CD276: variants seen among roughly 807,000 people sequenced by gnomAD.
CD276 encodes CD276 antigen.
CD276 carries 34 observed loss-of-function variants against 50.0 expected under a neutral mutation model. The observed-to-expected ratio is 0.68, with a 90% confidence interval of 0.52 to 0.91. The LOEUF (loss-of-function observed/expected upper bound fraction) is 0.91. Ranked by LOEUF, CD276 falls within the 40% of genes least tolerant of loss-of-function variation. The pLI is 0.00. For synonymous variants in CD276, 275 were observed against 313.0 expected (o/e 0.88, Z 1.28); for missense variants, 634 against 717.5 (o/e 0.88, Z 1.33).
chr15:73,692,532 G>A (rs1900024226), intron 1 of CD276, among the ~76,000 whole-genome samples: 1 of 152,208 alleles, frequency 6.6e-6, no homozygotes, highest in Admixed American at 6.5e-5. Context: ...ATGTGTAAAA[G>A]CATTTAGAAC....
intron 8 of CD276, among the ~76,000 whole-genome samples, chr15:73,710,420 C>T (rs747318279): frequency 6.6e-6 from 1 of 152,182 alleles, no homozygotes; most frequent in Non-Finnish European, 1.5e-5. Flanking sequence ...GAGCATGGCA[C>T]AGTAAGCTGG....
chr15:73,702,928 C>T lies in CD276; in HGVS notation c.575C>T (p.Thr192Met), dbSNP rs759769960. 42 of 1,614,146 alleles carry T rather than the reference C, an allele frequency of 2.6e-5. No homozygotes were observed. The highest frequency in any genetic ancestry group is 5.3e-5 in the African/African-American group (4 of 75,062). ...GTGCCCCTGACTGGCAACGTGACCACGTCGCAGATGGCCAACGAGCAGGGC... is the reference window on the plus strand; with the variant it reads ...GTGCCCCTGACTGGCAACGTGACCATGTCGCAGATGGCCAACGAGCAGGGC... ...QGVPLTGNVT[T>M]SQMANEQGLF... Residue 192 changes from threonine (T) to methionine (M), a missense_variant, in exon 4 of 10, where the codon ACG becomes ATG. Transcript: ENST00000318443.
At position 73,702,909 on chromosome 15, in the gene CD276, C is replaced by T. The variant is rs1337650256; in HGVS notation, c.556C>T (p.Leu186=). 3 of 1,613,928 alleles carry T rather than the reference C, an allele frequency of 1.9e-6. No homozygotes were observed. The highest frequency in any genetic ancestry group is 2.5e-6 in the Non-Finnish European group (3 of 1,179,934). Residue 186 remains leucine, a synonymous_variant, in exon 4 of 10, where the codon CTG becomes TTG. Coordinates refer to ENST00000318443, the MANE Select transcript of CD276 (RefSeq NM_001024736.2). The stretch of plus-strand genomic sequence containing the variant: ...CTGGCAGGATGGGCAGGGTGTGCCC[C>T]TGACTGGCAACGTGACCACGTCGCA... ...VFWQDGQGVP[L]TGNVTTSQMA... is the part of the protein sequence containing the mutation.
chr15:73,710,832 T>C (rs1900868762), intron 8 of CD276, among the ~76,000 whole-genome samples: 1 of 152,132 alleles, frequency 6.6e-6, no homozygotes, highest in African/African-American at 2.4e-5. Context: ...ACCCTGTGTG[T>C]ACATTGGGCT....
At chr15:73,684,576 A>AG (rs58176469) in intron 1 of CD276, 116 bp downstream of exon 1, 152,277 of 152,280 alleles carry the variant, frequency 1, 76,137 homozygotes, top group Middle Eastern at 1. Context: ...GGAGCTGAGC[A>AG]GGGCGCCTTC....
At chr15:73,711,303 C>A in intron 9 of CD276, 133 bp downstream of exon 9, 1 of 929,012 alleles carries the variant, frequency 1.1e-6, no homozygotes, top group Non-Finnish European at 1.7e-6. Flanking sequence ...CCTCAACTTC[C>A]CCCTGGTGAG....
At chr15:73,711,226 A>C (rs1234957151) in intron 9 of CD276, 56 bp downstream of exon 9, 1 of 1,573,966 alleles carries the variant, frequency 6.4e-7, no homozygotes, top group Admixed American at 1.7e-5. Flanking sequence ...TGTGTGTGAG[A>C]GGCTGAGAGG....
intron 2 of CD276, among the ~76,000 whole-genome samples, chr15:73,700,743 T>C (rs1192075234): frequency 2.0e-5 from 3 of 152,154 alleles, no homozygotes; most frequent in African/African-American, 7.2e-5. Context: ...GCAGGAAACC[T>C]TTAATGAGTG....
intron 9 of CD276, among the ~76,000 whole-genome samples, chr15:73,712,632 A>G (rs751615576): frequency 2.6e-5 from 4 of 152,296 alleles, no homozygotes; most frequent in Middle Eastern, 3.4e-3. Flanking sequence ...GAGAAGGGAA[A>G]AGTGTTGCAC....
In CD276 at chr15:73,711,122, CCTT is replaced by C. The variant is rs1318285588; in HGVS notation, c.1547-12_1547-10del. 6.2e-7 allele frequency: 1 copy of C among 1,614,014 alleles called. No individual in the cohort carries two copies. On this transcript the variant is annotated splice_polypyrimidine_tract_variant and intron_variant, in intron 8 of 9. Transcript: ENST00000318443. ...GTTCCTCCCTCACCGTGTGCGCCTTCCTTTTTTTACAGCCCTGCAGCCTCTGAA... is the reference window on the plus strand; with the variant it reads ...GTTCCTCCCTCACCGTGTGCGCCTTCTTTTTACAGCCCTGCAGCCTCTGAA...
chr15:73,693,638 G>A (rs1255653418), intron 1 of CD276, among the ~76,000 whole-genome samples: 2 of 152,250 alleles, frequency 1.3e-5, no homozygotes, highest in East Asian at 1.9e-4. Flanking sequence ...TTTGGTGAAT[G>A]GTGTGACATG....
rs776868634 is a variant in CD276, at chr15:73,702,925, C to G, written c.572C>G (p.Thr191Ser). 6.2e-7 allele frequency: 1 copy of G among 1,614,122 alleles called. No individual in the cohort carries two copies. The highest frequency in any genetic ancestry group is 1.1e-5 in the South Asian group (1 of 91,076). ...GQGVPLTGNVTTSQMANEQGL... is the reference protein window; with the variant it reads ...GQGVPLTGNVSTSQMANEQGL... ...GGTGTGCCCCTGACTGGCAACGTGA[C>G]CACGTCGCAGATGGCCAACGAGCAG... is the stretch of plus-strand genomic sequence containing the variant. Residue 191 changes from threonine to serine, a missense_variant, in exon 4 of 10, where the codon ACC becomes AGC. Transcript: ENST00000318443.
At position 73,704,393 on chromosome 15, in the gene CD276, G is replaced by A. The variant is rs1900562444; in HGVS notation, c.1290G>A (p.Leu430=). Residue 430 remains leucine (L), a synonymous_variant, in exon 6 of 10, where the codon CTG becomes CTA. Coordinates refer to ENST00000318443, the MANE Select transcript of CD276 (RefSeq NM_001024736.2). This position sits in a 1 kb window ranked among gnomAD's most constrained non-coding sequence, Gnocchi z 4.1. ...FDVHSVLRVV[L]GANGTYSCLV... The stretch of plus-strand genomic sequence containing the variant: ...TGCACAGCGTCCTGCGGGTGGTGCT[G>A]GGTGCGAATGGCACCTACAGCTGCC... 13 of 1,614,116 alleles carry A rather than the reference G, an allele frequency of 8.1e-6. No individual in the cohort carries two copies. The highest frequency in any genetic ancestry group is 1.1e-5 in the Non-Finnish European group (13 of 1,180,052).
At chr15:73,708,853 A>AG (rs1900763075) in intron 7 of CD276, among the ~76,000 whole-genome samples, 1 of 152,232 alleles carries the variant, frequency 6.6e-6, no homozygotes, top group Admixed American at 6.5e-5. Context: ...TAGGCATGCC[A>AG]GGGGCGTGCA....
At chr15:73,685,638 A>G (rs1490374289) in intron 1 of CD276, among the ~76,000 whole-genome samples, 1 of 152,224 alleles carries the variant, frequency 6.6e-6, no homozygotes, top group African/African-American at 2.4e-5. Context: ...GTTAGTTTCT[A>G]TATTAGAAAG....
chr15:73,709,556 CA>C, intron 7 of CD276, 91 bp from the exon 8 acceptor site: 1 of 1,317,134 alleles, frequency 7.6e-7, no homozygotes, highest in Non-Finnish European at 1.1e-6. Context: ...AGGCCCTGTT[CA>C]CCAGCTTCCT....
chr15:73,707,041 A>T (rs1028722790), intron 6 of CD276, among the ~76,000 whole-genome samples: 1 of 152,160 alleles, frequency 6.6e-6, no homozygotes, highest in Non-Finnish European at 1.5e-5. Flanking sequence ...ACCTCTCTTC[A>T]TCACTGGGGT....
At chr15:73,699,845 C>G in intron 2 of CD276, 127 bp downstream of exon 2, 1 of 1,116,298 alleles carries the variant, frequency 9.0e-7, no homozygotes, top group African/African-American at 1.6e-5. Context: ...CTTACTTCCA[C>G]CTGTGGGATC....
At chr15:73,712,798 T>G in intron 9 of CD276, 136 bp from the exon 10 acceptor site, 1 of 882,054 alleles carries the variant, frequency 1.1e-6, no homozygotes, top group Non-Finnish European at 1.8e-6. Flanking sequence ...GGCTGTCCGT[T>G]GGGCTGCTGT....
Sources: gnomAD v4.1 joint callset for allele counts (sites outside exome capture counted in the v4.1 genomes callset) on GRCh38, gnomAD v4.1.1 for gene constraint, Gnocchi (gnomAD v3.1) non-coding constraint, MANE v1.5 for transcripts, NCBI Gene and HGNC (gene_info 2026-07-23, HGNC 2026-07-21) for gene names.